Variants in DPP6 observed in about 807,000 individuals in gnomAD.
DPP6 encodes A-type potassium channel modulatory protein DPP6.
DPP6 carries 69 observed loss-of-function variants against 122.6 expected under a neutral mutation model. The ratio of observed to expected loss-of-function variants is 0.56; its 90% confidence interval spans 0.46 to 0.69. The LOEUF (loss-of-function observed/expected upper bound fraction) is 0.69, where lower values mean the gene tolerates loss of function less well. Ranked by LOEUF, DPP6 falls within the 30% of genes least tolerant of loss-of-function variation. DPP6 has a pLI of 0.00. For missense variants in DPP6, 928 were observed against 1,116.9 expected (o/e 0.83, Z 2.41); for synonymous variants, 418 against 433.1 (o/e 0.97, Z 0.43).
At chr7:154,323,064 CAA>C (rs35988110) in intron 1 of DPP6, among the ~76,000 whole-genome samples, 1 of 138,068 alleles carries the variant, frequency 7.2e-6, no homozygotes, top group Non-Finnish European at 1.6e-5. Flanking sequence ...TAGCCCTGTT[CAA>C]AAAAAAAAAT....
intron 6 of DPP6, among the ~76,000 whole-genome samples, chr7:154,652,138 A>G (rs1836915425): frequency 6.6e-6 from 1 of 152,236 alleles, no homozygotes; most frequent in African/African-American, 2.4e-5. Flanking sequence ...GGCTCCCAAC[A>G]CATCAGCTGG....
chr7:154,458,018 G>A (rs920615986), intron 2 of DPP6, among the ~76,000 whole-genome samples: 17 of 152,038 alleles, frequency 1.1e-4, no homozygotes, highest in African/African-American at 3.1e-4. Context: ...TGACACAGAC[G>A]AAGGAGGAAA....
chr7:154,837,257 A>G (rs554187155), intron 16 of DPP6, among the ~76,000 whole-genome samples: 71 of 151,684 alleles, frequency 4.7e-4, no homozygotes, highest in African/African-American at 1.7e-3. Flanking sequence ...ACATTCACAC[A>G]TGCACACACA....
intron 1 of DPP6, among the ~76,000 whole-genome samples, chr7:154,161,352 C>T (rs1481557786): frequency 6.6e-6 from 1 of 152,110 alleles, no homozygotes; most frequent in African/African-American, 2.4e-5. Flanking sequence ...CAAAAATTAG[C>T]TGGGCATGGT....
chr7:154,675,042 G>A (rs578194433), intron 7 of DPP6, among the ~76,000 whole-genome samples: 1 of 152,262 alleles, frequency 6.6e-6, no homozygotes, highest in Admixed American at 6.5e-5. Flanking sequence ...TTTAGATCCT[G>A]GAATAGTTTT....
At chr7:153,750,813 T>C in the DPP6 span, among the ~76,000 whole-genome samples, 1 of 152,204 alleles carries the variant, frequency 6.6e-6, no homozygotes, top group Non-Finnish European at 1.5e-5. Context: ...TCCTTCCTTC[T>C]TTAAAATCTT....
chr7:154,665,153 C>A (rs1426191036), intron 6 of DPP6, among the ~76,000 whole-genome samples: 1 of 152,050 alleles, frequency 6.6e-6, no homozygotes, highest in Admixed American at 6.6e-5. Flanking sequence ...GGGTTTTTCC[C>A]AGTGTTTTCT....
At chr7:153,849,981 T>G in the DPP6 span, among the ~76,000 whole-genome samples, 2 of 152,348 alleles carry the variant, frequency 1.3e-5, no homozygotes, top group South Asian at 4.1e-4. Context: ...ATTGAGAATA[T>G]TAATATTTTG....
intron 2 of DPP6, among the ~76,000 whole-genome samples, chr7:154,452,497 T>C (rs1214375192): frequency 6.6e-6 from 1 of 152,226 alleles, no homozygotes; most frequent in African/African-American, 2.4e-5. Context: ...TGCTTCCATT[T>C]TGGTAGATTT....
intron 1 of DPP6, among the ~76,000 whole-genome samples, chr7:154,222,393 C>T (rs1212029726): frequency 7.9e-5 from 12 of 152,048 alleles, no homozygotes; most frequent in East Asian, 5.8e-4. Context: ...CAGTGGCTCA[C>T]GCCTGTAATC....
chr7:154,852,834 G>C (rs1802517835), intron 16 of DPP6, among the ~76,000 whole-genome samples: 1 of 152,200 alleles, frequency 6.6e-6, no homozygotes, highest in South Asian at 2.1e-4. Context: ...CATGGTCATG[G>C]AGGGGAGTTC....
intron 7 of DPP6, among the ~76,000 whole-genome samples, chr7:154,711,755 T>C (rs1841193504): frequency 6.6e-6 from 1 of 152,322 alleles, no homozygotes; most frequent in South Asian, 2.1e-4. Context: ...TTTCCAGAAC[T>C]AAAAACCAAA....
chr7:154,800,948 A>G (rs1045210906), intron 12 of DPP6, among the ~76,000 whole-genome samples: 1 of 152,174 alleles, frequency 6.6e-6, no homozygotes, highest in Non-Finnish European at 1.5e-5. Context: ...AATAAATGCC[A>G]CTGGAGAAAT....
chr7:154,279,408 G>A (rs1462253954), intron 1 of DPP6, among the ~76,000 whole-genome samples: 2 of 152,198 alleles, frequency 1.3e-5, no homozygotes, highest in Non-Finnish European at 2.9e-5. Context: ...ATTCTGGCCA[G>A]TATATTCTAG....
chr7:153,870,982 A>ATG, the DPP6 span, among the ~76,000 whole-genome samples: 1 of 152,188 alleles, frequency 6.6e-6, no homozygotes, highest in African/African-American at 2.4e-5. Flanking sequence ...GTGAACCTCA[A>ATG]ATGCTGCTGC....
Position 154,282,517 on chromosome 7 carries a change from C to G in DPP6, c.244-163697C>G, listed in dbSNP as rs180753394. 6.4e-4 allele frequency among the ~76,000 whole-genome samples: 97 copies of G among 152,272 alleles called. 1 individual carries two copies. The highest frequency in any genetic ancestry group is 2.3e-3 in the African/African-American group (94 of 41,564). On this transcript the variant is annotated intron_variant, in intron 1 of 25. Transcript: ENST00000377770. This position sits in a 1 kb window ranked among gnomAD's most constrained non-coding sequence, Gnocchi z 4.8. Reference sequence around the variant, plus strand: ...TGTGGCACACTGGAAGAAAGACACGCTGTATCCTGGGCACAGGTCTTCTGT... The same window carrying G: ...TGTGGCACACTGGAAGAAAGACACGGTGTATCCTGGGCACAGGTCTTCTGT...
intron 1 of DPP6, among the ~76,000 whole-genome samples, chr7:154,332,867 C>A (rs1051413552): frequency 3.3e-5 from 5 of 152,156 alleles, no homozygotes; most frequent in Non-Finnish European, 7.3e-5. Context: ...AGTATCCCTG[C>A]AGTACTTTGG....
upstream of DPP6, among the ~76,000 whole-genome samples, chr7:153,882,640 C>T (rs1418309244): frequency 6.6e-6 from 1 of 152,208 alleles, no homozygotes; most frequent in Non-Finnish European, 1.5e-5. Context: ...AAAGGATCGA[C>T]ACCACCAATG....
chr7:154,144,042 C>T (rs1020457061), intron 1 of DPP6, among the ~76,000 whole-genome samples: 2 of 151,330 alleles, frequency 1.3e-5, no homozygotes, highest in Non-Finnish European at 3.0e-5. Context: ...GGAATCTGTT[C>T]TAATCAGACA....
Sources: gnomAD v4.1 joint callset for allele counts (sites outside exome capture counted in the v4.1 genomes callset) on GRCh38, gnomAD v4.1.1 for gene constraint, Gnocchi (gnomAD v3.1) non-coding constraint, MANE v1.5 for transcripts, NCBI Gene and HGNC (gene_info 2026-07-23, HGNC 2026-07-21) for gene names.